WWOX: variants seen among roughly 807,000 people sequenced by gnomAD.
WWOX encodes the protein WW domain-containing oxidoreductase.
A neutral mutation model predicts 46.2 loss-of-function variants in WWOX; 69 were observed. The observed-to-expected ratio is 1.49, with a 90% confidence interval of 1.23 to 1.82. The LOEUF (loss-of-function observed/expected upper bound fraction) is 1.82. WWOX is among the 40% of genes most tolerant of loss of function. The pLI is 0.00. For synonymous variants in WWOX, 359 were observed against 202.6 expected (o/e 1.77, Z -6.56); for missense variants, 919 against 542.6 (o/e 1.69, Z -6.89).
At chr16:78,754,893 T>C (rs1307171700) in intron 8 of WWOX, among the ~76,000 whole-genome samples, 2 of 152,074 alleles carry the variant, frequency 1.3e-5, no homozygotes, top group East Asian at 3.9e-4. Context: ...TCCTGCACTG[T>C]CCATTATCTG....
chr16:78,509,561 G>C (rs1397863040), intron 8 of WWOX, among the ~76,000 whole-genome samples: 1 of 152,134 alleles, frequency 6.6e-6, no homozygotes, highest in Non-Finnish European at 1.5e-5. Context: ...CTATACGGTG[G>C]AGTATTTGCA....
intron 8 of WWOX, among the ~76,000 whole-genome samples, chr16:79,169,184 A>T (rs1117910): frequency 6.6e-6 from 1 of 152,218 alleles, no homozygotes; most frequent in Non-Finnish European, 1.5e-5. Context: ...ATTAAATAAC[A>T]TGTCCAAAGT....
chr16:78,534,228 C>G (rs1466404583), intron 8 of WWOX: 4 of 152,196 alleles, frequency 2.6e-5, no homozygotes, highest in African/African-American at 9.7e-5. Context: ...AAATACCAAA[C>G]ACAGGAAAAC....
chr16:78,302,774 GTTAC>G (rs1323265202), intron 5 of WWOX, among the ~76,000 whole-genome samples: 1 of 152,140 alleles, frequency 6.6e-6, no homozygotes, highest in Non-Finnish European at 1.5e-5. Flanking sequence ...TTTGCTACCT[GTTAC>G]TTGGCATATC....
At chr16:78,370,854 T>C (rs2151921147) in intron 5 of WWOX, among the ~76,000 whole-genome samples, 1 of 151,956 alleles carries the variant, frequency 6.6e-6, no homozygotes, top group Admixed American at 6.6e-5. Flanking sequence ...TTGTTTGTTT[T>C]TGTTTTCTAT....
chr16:78,537,589 C>G (rs940165593), intron 8 of WWOX, among the ~76,000 whole-genome samples: 1 of 152,038 alleles, frequency 6.6e-6, no homozygotes, highest in African/African-American at 2.4e-5. Context: ...CCACTGGGAA[C>G]CAATTCATCT....
In WWOX at chr16:79,212,216, C is replaced by G; in HGVS notation, c.*420C>G. 1.4e-6 allele frequency: 2 copies of G among 1,418,914 alleles called. No homozygotes were observed. Among genetic ancestry groups the G allele is most frequent in the Non-Finnish European group, 1.8e-6 (2 of 1,081,684 alleles). The allele number at this position is 1,418,914 out of a possible 1,614,324, so 87.9% of individuals were successfully genotyped here. On this transcript the variant is annotated 3_prime_UTR_variant, in exon 9 of 9. Transcript: ENST00000566780. ...CTTCTCCTACTTAGGGAAGAAAAAG[C>G]AAGTGTTCACTGCTCCTTGCTGCAT...
At chr16:78,853,956 C>G (rs2052510056) in intron 8 of WWOX, among the ~76,000 whole-genome samples, 1 of 152,048 alleles carries the variant, frequency 6.6e-6, no homozygotes, top group Non-Finnish European at 1.5e-5. Context: ...CTTTTTATTT[C>G]TGAAGGAATT....
At chr16:78,422,696 C>CATATATATAT (rs1597211405) in intron 6 of WWOX, among the ~76,000 whole-genome samples, 3 of 35,086 alleles carry the variant, frequency 8.6e-5, no homozygotes, top group African/African-American at 2.1e-4. Flanking sequence ...CACACACACA[C>CATATATATAT]ACACATATAT....
At chr16:78,932,772 G>T (rs561721944) in intron 8 of WWOX, among the ~76,000 whole-genome samples, 47 of 152,282 alleles carry the variant, frequency 3.1e-4, no homozygotes, top group Middle Eastern at 6.8e-3. Flanking sequence ...CTTCCCAGAA[G>T]AGAGATGACT....
intron 8 of WWOX, among the ~76,000 whole-genome samples, chr16:79,066,823 C>T (rs2048450758): frequency 6.6e-6 from 1 of 152,206 alleles, no homozygotes; most frequent in African/African-American, 2.4e-5. Context: ...TGTGGCTTGT[C>T]ACCATTTTCC....
At chr16:78,653,138 A>G (rs1597397542) in intron 8 of WWOX, among the ~76,000 whole-genome samples, 3 of 152,132 alleles carry the variant, frequency 2.0e-5, no homozygotes, top group Admixed American at 6.5e-5. Context: ...CTCGTAATAT[A>G]TAGGCACATA....
chr16:79,112,213 C>G (rs1179198129), intron 8 of WWOX, among the ~76,000 whole-genome samples: 1 of 152,134 alleles, frequency 6.6e-6, no homozygotes. Flanking sequence ...ACATGCCAAA[C>G]AGACTCTTGG....
At chr16:78,320,975 G>A (rs2080455181) in intron 5 of WWOX, among the ~76,000 whole-genome samples, 1 of 152,080 alleles carries the variant, frequency 6.6e-6, no homozygotes, top group Non-Finnish European at 1.5e-5. Context: ...ATTAGAGTCT[G>A]CATTGTTTGT....
In WWOX at chr16:78,815,099, C is replaced by A. The variant is rs531668906; in HGVS notation, c.1056+382347C>A. Among the ~76,000 whole-genome samples the A allele has an allele frequency of 5.9e-5, 9 of 152,276 alleles. No individual in the cohort carries two copies. The South Asian group carries it at 1.7e-3, about 28-fold the overall frequency. On this transcript the variant is annotated intron_variant, in intron 8 of 8. Coordinates refer to ENST00000566780, the MANE Select transcript of WWOX (RefSeq NM_016373.4). ...CAACACTTCGGGAGGCCGAGGTGGG[C>A]AGATTGTCTGAGGTCAGGAGTTTGA... is the stretch of plus-strand genomic sequence containing the variant.
chr16:78,780,149 A>T (rs759805309), intron 8 of WWOX, among the ~76,000 whole-genome samples: 11 of 152,062 alleles, frequency 7.2e-5, no homozygotes, highest in Non-Finnish European at 1.5e-4. Flanking sequence ...GGGTAATGCT[A>T]TGGTCACCTG....
At chr16:78,334,061 A>AT (rs1417293536) in intron 5 of WWOX, among the ~76,000 whole-genome samples, 1 of 152,218 alleles carries the variant, frequency 6.6e-6, no homozygotes, top group Non-Finnish European at 1.5e-5. Context: ...AAACGGCATT[A>AT]TTTGATGTTA....
chr16:78,802,811 G>C (rs953823317), intron 8 of WWOX, among the ~76,000 whole-genome samples: 1 of 150,812 alleles, frequency 6.6e-6, no homozygotes, highest in African/African-American at 2.4e-5. Context: ...AGCTACATGG[G>C]AGGCTGAAGC....
chr16:78,175,878 G>T (rs2035328035), intron 5 of WWOX, among the ~76,000 whole-genome samples: 1 of 152,190 alleles, frequency 6.6e-6, no homozygotes, highest in African/African-American at 2.4e-5. Flanking sequence ...TGGACAGTGA[G>T]TTCTAAGGAT....
Sources: gnomAD v4.1 joint callset for allele counts (sites outside exome capture counted in the v4.1 genomes callset) on GRCh38, gnomAD v4.1.1 for gene constraint, MANE v1.5 for transcripts, NCBI Gene and HGNC (gene_info 2026-07-23, HGNC 2026-07-21) for gene names.